Variants in OR2L13 observed in about 807,000 individuals in gnomAD.
OR2L13 encodes the protein olfactory receptor family 2 subfamily L member 13, also known as olfactory receptor 2L13.
In OR2L13, 14 loss-of-function variants were observed where a neutral mutation model predicts 15.3. That is an observed-to-expected ratio of 0.91 (90% confidence interval 0.60 to 1.43). OR2L13 has a LOEUF of 1.43. Ranked by LOEUF, OR2L13 falls within the 40% of genes most tolerant of loss-of-function variation. The pLI is 0.00. For synonymous variants in OR2L13, 152 were observed against 142.9 expected, an observed-to-expected ratio of 1.06 and a Z score of -0.45; for missense variants, 367 against 387.9, an observed-to-expected ratio of 0.95 and a Z score of 0.45.
the OR2L13 span, chr1:247,965,326 T>G: frequency 6.5e-7 from 1 of 1,538,184 alleles, no homozygotes; most frequent in East Asian, 2.3e-5. Flanking sequence ...AAGTCAACAT[T>G]ATTACATGAA....
chr1:248,076,363 T>G, the OR2L13 span, among the ~76,000 whole-genome samples: 1 of 152,216 alleles, frequency 6.6e-6, no homozygotes, highest in Admixed American at 6.5e-5. Context: ...TTTAAAGTAG[T>G]TTTTTACAGT....
the OR2L13 span, among the ~76,000 whole-genome samples, chr1:248,027,686 A>C: frequency 6.6e-6 from 1 of 152,140 alleles, no homozygotes; most frequent in South Asian, 2.1e-4. Context: ...TGGGCCTAAA[A>C]ATAAACAGAA....
Position 248,099,491 on chromosome 1 carries a change from T to TG in OR2L13, c.119dup (p.Asn41Ter), listed in dbSNP as rs1664801864. 6.2e-7 allele frequency: 1 copy of TG among 1,614,022 alleles called. No individual in the cohort carries two copies. Among genetic ancestry groups the TG allele is most frequent in the Non-Finnish European group, 8.5e-7 (1 of 1,179,936 alleles). Reference sequence around the variant, plus strand: ...ATCCTCATATTCTTTCTGGCCTCGGTGGGTAACTCGGCCATGATTCACCTC... The same window carrying TG: ...ATCCTCATATTCTTTCTGGCCTCGGTGGGGTAACTCGGCCATGATTCACCTC... On this transcript the variant is annotated frameshift_variant, in exon 3 of 3. Coordinates refer to ENST00000641714, the Ensembl canonical transcript of OR2L13. LOFTEE classifies it high-confidence loss of function.
the OR2L13 span, among the ~76,000 whole-genome samples, chr1:248,016,578 T>G: frequency 6.6e-6 from 1 of 152,098 alleles, no homozygotes; most frequent in African/African-American, 2.4e-5. Context: ...TGATTATGTA[T>G]TTCAGTAAAT....
chr1:247,990,915 C>A, the OR2L13 span: 1 of 1,480,824 alleles, frequency 6.8e-7, no homozygotes, highest in Non-Finnish European at 9.4e-7. Flanking sequence ...TTGCATGTTC[C>A]TATGGCCGGA....
At chr1:248,002,204 A>T in the OR2L13 span, among the ~76,000 whole-genome samples, 3 of 152,188 alleles carry the variant, frequency 2.0e-5, 1 homozygote, top group Non-Finnish European at 4.4e-5. Context: ...TTAAAAATGT[A>T]TTTGGAAATC....
chr1:247,975,074 C>T, the OR2L13 span: 1 of 327,870 alleles, frequency 3.0e-6, no homozygotes, highest in South Asian at 3.4e-5. Context: ...TGCAGAAATG[C>T]TGCCACTGAC....
chr1:248,025,049 A>G, the OR2L13 span, among the ~76,000 whole-genome samples: 1 of 151,990 alleles, frequency 6.6e-6, no homozygotes, highest in African/African-American at 2.4e-5. Flanking sequence ...CAAGGACTTC[A>G]TGTCTAAAAC....
chr1:248,096,829 A>G (rs1162608247), upstream of OR2L13, among the ~76,000 whole-genome samples: 1 of 152,228 alleles, frequency 6.6e-6, no homozygotes, highest in Admixed American at 6.5e-5. Context: ...TTTTAGAATG[A>G]GAAAGAAAAT....
At chr1:248,099,616 G>A in exon 3 of OR2L13, 1 of 1,613,958 alleles carries the variant, frequency 6.2e-7, no homozygotes, top group South Asian at 1.1e-5. Context: ...CCCCAAGATG[G>A]CGTACAACTT....
exon 3 of OR2L13, chr1:248,100,844 T>A (rs934332218): frequency 1.6e-4 from 26 of 167,110 alleles, no homozygotes. Context: ...GCATGTATGG[T>A]GTATACAAAC....
chr1:248,053,129 C>G, the OR2L13 span, among the ~76,000 whole-genome samples: 2 of 152,088 alleles, frequency 1.3e-5, no homozygotes, highest in Non-Finnish European at 2.9e-5. Flanking sequence ...CAACAGGCCC[C>G]AGTAAGTGTT....
chr1:247,990,170 C>T, the OR2L13 span: 28 of 547,542 alleles, frequency 5.1e-5, no homozygotes, highest in Admixed American at 9.1e-5. Flanking sequence ...CAGGCATTCA[C>T]TGGCGGGCTT....
At chr1:247,989,851 A>G in the OR2L13 span, among the ~76,000 whole-genome samples, 2 of 152,162 alleles carry the variant, frequency 1.3e-5, no homozygotes, top group Non-Finnish European at 2.9e-5. Context: ...GTTTTCAGTC[A>G]TAGCCCAATG....
upstream of OR2L13, among the ~76,000 whole-genome samples, chr1:248,095,607 C>CTTTTTTTTTTTTTTTGTTTTTTTTTT (rs1664717019): frequency 2.7e-5 from 1 of 37,294 alleles, no homozygotes; most frequent in African/African-American, 7.2e-5. Context: ...AAAGCTGCTG[C>CTTTTTTTTTTTTTTTGTTTTTTTTTT]TTTTTTTTTT....
the OR2L13 span, among the ~76,000 whole-genome samples, chr1:247,981,907 C>A: frequency 1.3e-5 from 2 of 151,950 alleles, no homozygotes; most frequent in Admixed American, 1.3e-4. Flanking sequence ...GCTCCGCCTC[C>A]CGGGTTCACG....
chr1:247,949,709 C>A, the OR2L13 span: 1 of 1,613,928 alleles, frequency 6.2e-7, no homozygotes, highest in Non-Finnish European at 8.5e-7. Flanking sequence ...CCCCAATGCT[C>A]AACCCCATCA....
the OR2L13 span, among the ~76,000 whole-genome samples, chr1:247,952,977 C>G: frequency 6.6e-6 from 1 of 152,108 alleles, no homozygotes; most frequent in Non-Finnish European, 1.5e-5. Flanking sequence ...AATGGTAATC[C>G]TATTTTTCAT....
At chr1:248,032,918 A>G in the OR2L13 span, among the ~76,000 whole-genome samples, 1 of 152,210 alleles carries the variant, frequency 6.6e-6, no homozygotes, top group Non-Finnish European at 1.5e-5. Context: ...AGAAATTACT[A>G]TACAGATGGT....
Sources: allele counts gnomAD v4.1 joint callset (sites outside exome capture counted in the v4.1 genomes callset), GRCh38; gene constraint gnomAD v4.1.1; transcripts MANE v1.5; gene names NCBI Gene and HGNC (gene_info 2026-07-23, HGNC 2026-07-21).